Variants in TESPA1 observed in about 807,000 individuals in gnomAD.
The protein encoded by TESPA1 is thymocyte expressed, positive selection associated 1, also known as protein TESPA1.
TESPA1 carries 33 observed loss-of-function variants against 57.9 expected under a neutral mutation model. The ratio of observed to expected loss-of-function variants is 0.57; its 90% CI spans 0.43 to 0.76. The LOEUF (loss-of-function observed/expected upper bound fraction) is 0.76, where lower values mean the gene tolerates loss of function less well. TESPA1 is among the 30% of genes least tolerant of loss of function. The pLI is 0.00. For missense variants in TESPA1, 618 were observed against 632.9 expected, an observed-to-expected ratio of 0.98 and a Z score of 0.25; for synonymous variants, 227 against 228.9, an observed-to-expected ratio of 0.99 and a Z score of 0.07.
At chr12:54,964,375 T>G (rs1951285543) in intron 7 of TESPA1, among the ~76,000 whole-genome samples, 1 of 152,144 alleles carries the variant, frequency 6.6e-6, no homozygotes, top group Non-Finnish European at 1.5e-5. Flanking sequence ...GTAAGAAACA[T>G]AGAACCCCTG....
At chr12:54,969,216 T>C (rs1951670281) in intron 3 of TESPA1, among the ~76,000 whole-genome samples, 2 of 151,492 alleles carry the variant, frequency 1.3e-5, no homozygotes, top group African/African-American at 4.8e-5. Context: ...TCATTAAGAA[T>C]AGGTAACTCT....
chr12:54,961,100 A>G (rs1951044974), intron 10 of TESPA1, 68 bp downstream of exon 10: 4 of 1,590,390 alleles, frequency 2.5e-6, no homozygotes, highest in South Asian at 2.2e-5. Context: ...TTTAAAAAAA[A>G]AAAACCTTCC....
At chr12:54,964,416 G>A (rs1592359818) in intron 7 of TESPA1, among the ~76,000 whole-genome samples, 2 of 152,244 alleles carry the variant, frequency 1.3e-5, no homozygotes, top group Admixed American at 1.3e-4. Context: ...TGATCTTAGG[G>A]CAAAAAGTAA....
rs1950456895 is a variant in TESPA1, at chr12:54,952,380, A to C, written c.*2-1990T>G. ...CTCTTTATCACAGTATTTTAGAAGT[A>C]CCTTACACTCACCATGTTCAGATAT... On this transcript the variant is annotated intron_variant, in intron 10 of 10. Transcript: ENST00000449076. Among the ~76,000 whole-genome samples the C allele has an allele frequency of 1.3e-5, 2 of 152,246 alleles. 1 individual carries two copies. The highest frequency in any genetic ancestry group is 4.1e-4 in the South Asian group (2 of 4,830).
intron 7 of TESPA1, 82 bp from the exon 8 acceptor site, chr12:54,964,032 G>A: frequency 1.5e-6 from 2 of 1,373,404 alleles, no homozygotes; most frequent in Middle Eastern, 1.9e-4. Flanking sequence ...TAATAAAAGT[G>A]TCAGAAGACT....
intron 3 of TESPA1, among the ~76,000 whole-genome samples, chr12:54,972,126 G>A (rs1276119092): frequency 3.3e-5 from 5 of 152,166 alleles, no homozygotes; most frequent in East Asian, 1.9e-4. Flanking sequence ...ACAAGAATTA[G>A]GCTCAAGTCT....
intron 2 of TESPA1, chr12:54,974,031 G>T: frequency 2.1e-6 from 1 of 475,904 alleles, no homozygotes; most frequent in Non-Finnish European, 2.8e-6. Flanking sequence ...AGGCCACACA[G>T]CTTGTTAGTG....
Position 54,975,679 on chromosome 12 carries a change from A to T in TESPA1, c.-45-1072T>A, listed in dbSNP as rs116142576. The stretch of plus-strand genomic sequence containing the variant: ...CATCTTAAGAGCTACACTTTTAACT[A>T]TTGGAATAAAATAAAATAAAATAAA... On this transcript the variant is annotated intron_variant, in intron 1 of 10. Coordinates refer to ENST00000449076, the MANE Select transcript of TESPA1 (RefSeq NM_001136030.3). 2.5e-3 allele frequency among the ~76,000 whole-genome samples: 372 copies of T among 148,036 alleles called. 4 individuals carry two copies. Among genetic ancestry groups the T allele is most frequent in the African/African-American group, 9.4e-3 (358 of 38,122 alleles).
chr12:54,962,656 A>G lies in TESPA1; in HGVS notation c.1242T>C (p.Cys414=), dbSNP rs780590116. 3.7e-6 allele frequency: 6 copies of G among 1,613,890 alleles called. No homozygotes were observed. Among genetic ancestry groups the G allele is most frequent in the Non-Finnish European group, 5.1e-6 (6 of 1,179,868 alleles). ...TTTCCGTATTGGTGGCTGGTAGACT[A>G]CACAGCTCTCTCCTTATCTGAGCTG... ...TDPAQIRREL[C]SLPATNTETH... is the part of the protein sequence containing the mutation. The change falls in exon 9 of 11, where the codon TGT becomes TGC. Residue 414 remains cysteine (C), a synonymous_variant. Coordinates refer to ENST00000449076, the MANE Select transcript of TESPA1 (RefSeq NM_001136030.3).
chr12:54,954,517 C>T (rs1481593175), intron 10 of TESPA1, among the ~76,000 whole-genome samples: 1 of 152,098 alleles, frequency 6.6e-6, no homozygotes, highest in Non-Finnish European at 1.5e-5. Context: ...AGATTACTTC[C>T]AAGGCTGCCA....
chr12:54,984,841 T>C (rs1490223750), upstream of TESPA1: 1 of 152,330 alleles, frequency 6.6e-6, no homozygotes, highest in African/African-American at 2.4e-5. Context: ...TTGCTCCGGC[T>C]CAGGAGACTG....
Position 54,949,267 on chromosome 12 carries a change from T to G in TESPA1, c.*1125A>C, listed in dbSNP as rs1160315804. 1 of 152,196 alleles carries G rather than the reference T, an allele frequency of 6.6e-6. No individual in the cohort carries two copies. The highest frequency in any genetic ancestry group is 1.5e-5 in the Non-Finnish European group (1 of 68,028). 9.4% of individuals were successfully genotyped at this position (152,196 alleles called of 1,614,324 possible). On this transcript the variant is annotated 3_prime_UTR_variant, in exon 11 of 11. Transcript: ENST00000449076. ...CAGTTTGTGCCTTCTCCCCTAATGCTGGCAATAGCACCAGAACAAAATCAA... is the reference window on the plus strand; with the variant it reads ...CAGTTTGTGCCTTCTCCCCTAATGCGGGCAATAGCACCAGAACAAAATCAA...
chr12:54,967,253 T>C lies in TESPA1; in HGVS notation c.257-17A>G. 6.2e-7 allele frequency: 1 copy of C among 1,611,096 alleles called. No homozygotes were observed. Among genetic ancestry groups the C allele is most frequent in the Admixed American group, 1.7e-5 (1 of 59,670 alleles). On this transcript the variant is annotated splice_polypyrimidine_tract_variant and intron_variant, in intron 4 of 10. Coordinates refer to ENST00000449076, the MANE Select transcript of TESPA1 (RefSeq NM_001136030.3). ...TGCAGAAGCCTGTCCAATAATCAGG[T>C]GAGGGTCACAGAAAACCAGGATGGA...
At chr12:54,976,345 T>C (rs74650070) in intron 1 of TESPA1, among the ~76,000 whole-genome samples, 2,026 of 152,264 alleles carry the variant, frequency 0.013, 36 homozygotes, top group African/African-American at 0.045. Context: ...AAGAGATTGG[T>C]TCCAAAACCC....
intron 3 of TESPA1, among the ~76,000 whole-genome samples, chr12:54,971,843 G>T (rs1951850388): frequency 6.6e-6 from 1 of 151,846 alleles, no homozygotes; most frequent in Non-Finnish European, 1.5e-5. Context: ...TCATTTCTGG[G>T]AATTTTTTTT....
At chr12:54,973,161 G>A (rs1951941920) in intron 3 of TESPA1, among the ~76,000 whole-genome samples, 1 of 152,110 alleles carries the variant, frequency 6.6e-6, no homozygotes, top group Non-Finnish European at 1.5e-5. Context: ...CAATCTAAAG[G>A]GGGAAGTCAG....
In TESPA1 at chr12:54,962,425, A is replaced by G; in HGVS notation, c.1467+6T>C. 6.2e-7 allele frequency: 1 copy of G among 1,608,584 alleles called. No individual in the cohort carries two copies. Among genetic ancestry groups the G allele is most frequent in the Non-Finnish European group, 8.5e-7 (1 of 1,177,456 alleles). On this transcript the variant is annotated splice_donor_region_variant and intron_variant, in intron 9 of 10. Transcript: ENST00000449076. Reference sequence around the variant, plus strand: ...CCAGTCTCTCCCTCACCTCCAACCCACTTACCTCCTCCAAGTCAAAAGTGT... The same window carrying G: ...CCAGTCTCTCCCTCACCTCCAACCCGCTTACCTCCTCCAAGTCAAAAGTGT...
intron 9 of TESPA1, among the ~76,000 whole-genome samples, chr12:54,961,779 A>G (rs2136095028): frequency 1.3e-5 from 2 of 152,296 alleles, no homozygotes; most frequent in South Asian, 4.1e-4. Context: ...CTGTTCTCTC[A>G]AGGGCTGACC....
chr12:54,974,660 T>C, intron 1 of TESPA1, 53 bp from the exon 2 acceptor site: 2 of 1,312,456 alleles, frequency 1.5e-6, no homozygotes, highest in Non-Finnish European at 2.0e-6. Context: ...GAAACCATCA[T>C]GATGCTCAGG....
Sources: gnomAD v4.1 joint callset for allele counts (sites outside exome capture counted in the v4.1 genomes callset) on GRCh38, gnomAD v4.1.1 for gene constraint, MANE v1.5 for transcripts, NCBI Gene and HGNC (gene_info 2026-07-23, HGNC 2026-07-21) for gene names.